The following STIM2 variants were observed in gnomAD, a reference collection of about 807,000 sequenced individuals.
STIM2 encodes stromal interaction molecule 2.
In STIM2, 31 loss-of-function variants were observed where a neutral mutation model predicts 85.8. That is an observed-to-expected ratio of 0.36 (90% CI 0.27 to 0.49). STIM2 has a LOEUF of 0.49. STIM2 is among the 20% of genes least tolerant of loss of function. The pLI, the probability that STIM2 is intolerant of heterozygous loss-of-function variation, is 0.98. For synonymous variants in STIM2, 356 were observed against 331.1 expected (o/e 1.08, Z -0.82); for missense variants, 841 against 927.6 (o/e 0.91, Z 1.21).
In STIM2 at chr4:27,023,378, G is replaced by T. The variant is rs1164582275; in HGVS notation, c.*382G>T. 2.5e-5 allele frequency: 5 copies of T among 199,952 alleles called. No individual in the cohort carries two copies. Among genetic ancestry groups the T allele is most frequent in the Non-Finnish European group, 2.1e-5 (2 of 96,296 alleles). 12.4% of individuals were successfully genotyped at this position (199,952 alleles called of 1,614,324 possible). ...TTGCAAAAATTTCTTGTTTACCAGAGCATCTTCTTATCTTTCCACAGAGCT... is the reference window on the plus strand; with the variant it reads ...TTGCAAAAATTTCTTGTTTACCAGATCATCTTCTTATCTTTCCACAGAGCT... On this transcript the variant is annotated 3_prime_UTR_variant, in exon 12 of 12. Coordinates refer to ENST00000467087, the MANE Select transcript of STIM2 (RefSeq NM_020860.4).
chr4:27,018,117 T>A, intron 11 of STIM2, 133 bp downstream of exon 11: 1 of 1,299,846 alleles, frequency 7.7e-7, no homozygotes, highest in Non-Finnish European at 1.1e-6. Context: ...CTTTGCAGCC[T>A]CAGACATCAC....
At chr4:26,878,061 A>G (rs972293171) in intron 1 of STIM2, among the ~76,000 whole-genome samples, 2 of 152,176 alleles carry the variant, frequency 1.3e-5, no homozygotes, top group Non-Finnish European at 2.9e-5. Context: ...GCTGTGCCTT[A>G]TAAATTACAC....
At chr4:26,957,206 T>C (rs1358372280) in intron 2 of STIM2, among the ~76,000 whole-genome samples, 1 of 152,200 alleles carries the variant, frequency 6.6e-6, no homozygotes, top group Non-Finnish European at 1.5e-5. Context: ...ATATATTGTT[T>C]AGGGAATAAT....
intron 1 of STIM2, among the ~76,000 whole-genome samples, chr4:26,884,994 C>T (rs1723161485): frequency 6.6e-6 from 1 of 152,172 alleles, no homozygotes; most frequent in Non-Finnish European, 1.5e-5. Context: ...TTATTTCAAA[C>T]ATTTTGGAGT....
chr4:26,980,935 G>A (rs1268391697), intron 3 of STIM2, among the ~76,000 whole-genome samples: 1 of 152,012 alleles, frequency 6.6e-6, no homozygotes, highest in Non-Finnish European at 1.5e-5. Flanking sequence ...TGTGGATAAG[G>A]AGCCCTTCCT....
intron 3 of STIM2, among the ~76,000 whole-genome samples, chr4:26,987,903 C>T (rs544608178): frequency 4.7e-4 from 71 of 152,314 alleles, no homozygotes; most frequent in Non-Finnish European, 7.6e-4. Flanking sequence ...GTGAGCTGTT[C>T]TAAATCAGCC....
At chr4:26,979,432 A>G (rs1577476442) in intron 3 of STIM2, among the ~76,000 whole-genome samples, 1 of 152,204 alleles carries the variant, frequency 6.6e-6, no homozygotes, top group Non-Finnish European at 1.5e-5. Flanking sequence ...CTTCAGTAAT[A>G]TCTAAGAATA....
chr4:26,986,020 A>G (rs1727569308), intron 3 of STIM2, among the ~76,000 whole-genome samples: 1 of 152,214 alleles, frequency 6.6e-6, no homozygotes, highest in Non-Finnish European at 1.5e-5. Flanking sequence ...CTCAGAACGC[A>G]GGAGATGGTT....
chr4:26,921,347 C>G (rs775597701), intron 2 of STIM2, among the ~76,000 whole-genome samples: 1 of 152,150 alleles, frequency 6.6e-6, no homozygotes, highest in Non-Finnish European at 1.5e-5. Flanking sequence ...AAATTTCTAT[C>G]GTGGTAAGCC....
At chr4:26,931,073 A>G (rs1043445836) in intron 2 of STIM2, among the ~76,000 whole-genome samples, 7 of 152,112 alleles carry the variant, frequency 4.6e-5, no homozygotes, top group Admixed American at 2.6e-4. Flanking sequence ...GAGGTCCTCA[A>G]TGGCTGTTGG....
intron 1 of STIM2, among the ~76,000 whole-genome samples, chr4:26,893,513 T>C (rs1723575456): frequency 6.6e-6 from 1 of 152,266 alleles, no homozygotes. Flanking sequence ...TTTTTATTGC[T>C]GTATTCCAAT....
At chr4:27,010,052 A>C (rs1339863393) in intron 10 of STIM2, among the ~76,000 whole-genome samples, 1 of 152,222 alleles carries the variant, frequency 6.6e-6, no homozygotes, top group Non-Finnish European at 1.5e-5. Flanking sequence ...ATTGTACTAA[A>C]TGTGAATAAT....
At chr4:27,007,797 T>C in intron 8 of STIM2, 97 bp downstream of exon 8, 1 of 1,289,584 alleles carries the variant, frequency 7.8e-7, no homozygotes, top group Non-Finnish European at 1.0e-6. Flanking sequence ...AATAAAAGTT[T>C]TATTATTACA....
intron 3 of STIM2, among the ~76,000 whole-genome samples, chr4:26,984,119 T>C (rs1455502208): frequency 6.6e-6 from 1 of 152,206 alleles, no homozygotes; most frequent in Non-Finnish European, 1.5e-5. Context: ...GAAATGGTTC[T>C]AAAAAGAATC....
intron 3 of STIM2, among the ~76,000 whole-genome samples, chr4:26,973,084 A>T (rs1727027827): frequency 6.6e-6 from 1 of 152,040 alleles, no homozygotes; most frequent in African/African-American, 2.4e-5. Flanking sequence ...ATCGGTAGTG[A>T]TATCCCCTTT....
intron 2 of STIM2, among the ~76,000 whole-genome samples, chr4:26,930,115 A>G (rs1189911761): frequency 1.3e-5 from 2 of 152,200 alleles, no homozygotes; most frequent in Non-Finnish European, 2.9e-5. Context: ...TTAGATGTCA[A>G]TGTGTGCAGA....
chr4:26,894,526 A>T (rs1723620176), intron 1 of STIM2, among the ~76,000 whole-genome samples: 1 of 150,918 alleles, frequency 6.6e-6, no homozygotes, highest in Non-Finnish European at 1.5e-5. Context: ...ATGTTCAGCC[A>T]ATTGCAGCAC....
At chr4:26,983,776 C>T (rs967001221) in intron 3 of STIM2, among the ~76,000 whole-genome samples, 2 of 152,172 alleles carry the variant, frequency 1.3e-5, no homozygotes, top group African/African-American at 2.4e-5. Context: ...AAAGTTAATG[C>T]ATTTCTTACA....
At chr4:27,006,282 C>G (rs906781921) in intron 7 of STIM2, among the ~76,000 whole-genome samples, 2 of 152,190 alleles carry the variant, frequency 1.3e-5, no homozygotes, top group Middle Eastern at 3.2e-3. Context: ...TGTTTTCACA[C>G]TAACTGACAG....
Sources: allele counts gnomAD v4.1 joint callset (sites outside exome capture counted in the v4.1 genomes callset), GRCh38; gene constraint gnomAD v4.1.1; transcripts MANE v1.5; gene names NCBI Gene and HGNC (gene_info 2026-07-23, HGNC 2026-07-21).